The following ZBTB5 variants were observed in gnomAD, a reference collection of about 807,000 sequenced individuals.
ZBTB5 encodes zinc finger and BTB domain containing 5.
In ZBTB5, 15 loss-of-function variants were observed where a neutral mutation model predicts 37.9. That is an observed-to-expected ratio of 0.40 (90% CI 0.26 to 0.61). The LOEUF (loss-of-function observed/expected upper bound fraction) is 0.61, where lower values mean the gene tolerates loss of function less well. Ranked by LOEUF, ZBTB5 falls within the 20% of genes least tolerant of loss-of-function variation. The pLI, the probability that ZBTB5 is intolerant of heterozygous loss-of-function variation, is 0.47. For missense variants in ZBTB5, 708 were observed against 856.8 expected (o/e 0.83, Z 2.17); for synonymous variants, 315 against 312.4 (o/e 1.01, Z -0.09).
rs924346531 is a variant in ZBTB5, at chr9:37,441,544, T to A, written c.1008A>T (p.Ser336=). ...RVVVKSEPLS[S]PEPQDEVSDV... The stretch of plus-strand genomic sequence containing the variant: ...CGCTCACTTCATCCTGAGGCTCAGG[T>A]GAGCTCAGGGGCTCAGATTTAACCA... Residue 336 remains serine (S), a synonymous_variant, in exon 2 of 2, where the codon TCA becomes TCT. Transcript: ENST00000307750. 1.9e-6 allele frequency: 3 copies of A among 1,612,790 alleles called. No individual in the cohort carries two copies. The African/African-American group carries it at 4.0e-5, about 22-fold the overall frequency.
chr9:37,446,694 A>G (rs1274058187), intron 1 of ZBTB5, among the ~76,000 whole-genome samples: 3 of 152,194 alleles, frequency 2.0e-5, no homozygotes, highest in African/African-American at 7.2e-5. Context: ...AGCAGCACAC[A>G]CATCCCGGGT....
In ZBTB5 at chr9:37,440,933, G is replaced by C; in HGVS notation, c.1619C>G (p.Pro540Arg). 6.2e-7 allele frequency: 1 copy of C among 1,614,182 alleles called. No individual in the cohort carries two copies. Among genetic ancestry groups the C allele is most frequent in the Non-Finnish European group, 8.5e-7 (1 of 1,180,026 alleles). Reference sequence around the variant, plus strand: ...GACGGAAGTTACAACTGGCATTTTGGGAGCTATGCGGCGGTAGTAAGGAAA... The same window carrying C: ...GACGGAAGTTACAACTGGCATTTTGCGAGCTATGCGGCGGTAGTAAGGAAA... ...SNFPYYRRIA[P>R]KMPVVTSVRS... The change falls in exon 2 of 2, where the codon CCC becomes CGC. Residue 540 changes from proline (P) to arginine (R), a missense_variant. Physicochemically the swap from Pro to Arg is moderately radical, Grantham distance 103 (BLOSUM62 -2). Around this residue, in one of 3 missense-constraint regions of ZBTB5, gnomAD observed 639 missense variants for 690.5 expected, o/e 0.93. Transcript: ENST00000307750.
Position 37,440,124 on chromosome 9 carries a change from T to TCAC in ZBTB5, c.*391_*393dup, listed in dbSNP as rs1823830120. ...TGGTTACACATAAGTGCATTTTGCA[T>TCAC]CACTATACAGGGATATAATACTCCC... is the stretch of plus-strand genomic sequence containing the variant. On this transcript the variant is annotated 3_prime_UTR_variant, in exon 2 of 2. Transcript: ENST00000307750. 1.0e-5 allele frequency: 2 copies of TCAC among 194,568 alleles called. No individual in the cohort carries two copies. The highest frequency in any genetic ancestry group is 4.7e-5 in the African/African-American group (2 of 42,244). The allele number at this position is 194,568 out of a possible 1,614,324, so 12.1% of individuals were successfully genotyped here.
Position 37,442,163 on chromosome 9 carries a change from C to G in ZBTB5, c.389G>C (p.Ser130Thr), listed in dbSNP as rs755897498. The G allele has an allele frequency of 2.5e-6, 4 of 1,614,218 alleles. No homozygotes were observed. The South Asian group carries it at 3.3e-5, about 13-fold the overall frequency. The change falls in exon 2 of 2, where the codon AGT becomes ACT. Residue 130 changes from serine to threonine, a missense_variant. Coordinates refer to ENST00000307750, the MANE Select transcript of ZBTB5 (RefSeq NM_014872.3). ...TTRTLPMSPPSERVQEQSARM... is the reference protein window; with the variant it reads ...TTRTLPMSPPTERVQEQSARM... ...GGCGCTCTGCTCCTGAACGCGCTCA[C>G]TGGGGGGAGACATGGGCAGCGTCCT...
chr9:37,441,166 A>G lies in ZBTB5; in HGVS notation c.1386T>C (p.Pro462=). 1 of 1,614,004 alleles carries G rather than the reference A, an allele frequency of 6.2e-7. No individual in the cohort carries two copies. Among genetic ancestry groups the G allele is most frequent in the Non-Finnish European group, 8.5e-7 (1 of 1,179,942 alleles). Residue 462 remains proline, a synonymous_variant, in exon 2 of 2, where the codon CCT becomes CCC. Coordinates refer to ENST00000307750, the MANE Select transcript of ZBTB5 (RefSeq NM_014872.3). The stretch of plus-strand genomic sequence containing the variant: ...TAAATGGGTTCTCTACATGGGAGCC[A>G]GGGGCAGAGGAGGGCCCACCTGCAG... The part of the protein sequence containing the change: ...AGPAGGPSSA[P]GSHVENPFSE...
rs1313608216 is a variant in ZBTB5, at chr9:37,440,997, TGGAGAA to T, written c.1549_1554del (p.Phe517_Ser518del). On this transcript the variant is annotated inframe_deletion, in exon 2 of 2. Transcript: ENST00000307750. ...CCCCTTGGGGAACCTATCATTACCC[TGGAGAA>T]GGAGGAGTGGAGGCCCAAACCAGAC... is the stretch of plus-strand genomic sequence containing the variant. 1.2e-6 allele frequency: 2 copies of T among 1,614,070 alleles called. No individual in the cohort carries two copies. Among genetic ancestry groups the T allele is most frequent in the East Asian group, 2.2e-5 (1 of 44,900 alleles).
intron 1 of ZBTB5, among the ~76,000 whole-genome samples, chr9:37,464,252 A>G (rs904314661): frequency 1.3e-5 from 2 of 152,260 alleles, no homozygotes; most frequent in Admixed American, 1.3e-4. Context: ...CCTCTAAAGA[A>G]AAGCCCGTAA....
intron 1 of ZBTB5, among the ~76,000 whole-genome samples, chr9:37,453,314 T>G (rs778762846): frequency 1.2e-4 from 18 of 151,826 alleles, no homozygotes; most frequent in Non-Finnish European, 2.5e-4. Flanking sequence ...CAGCCTCCCG[T>G]TGGCTGGGAT....
chr9:37,452,111 C>T lies in ZBTB5; in HGVS notation c.-4-9556G>A, dbSNP rs182831767. Reference sequence around the variant, plus strand: ...TTAGCTTTAAACTGTAAACAAAATTCCTTCTCAAGGCTAGTTTGGCCTACG... The same window carrying T: ...TTAGCTTTAAACTGTAAACAAAATTTCTTCTCAAGGCTAGTTTGGCCTACG... On this transcript the variant is annotated intron_variant, in intron 1 of 1. Transcript: ENST00000307750. 1.0e-3 allele frequency among the ~76,000 whole-genome samples: 156 copies of T among 152,272 alleles called. 2 individuals are homozygous for T. In the East Asian group the frequency reaches 0.029, roughly 28 times the overall value.
intron 1 of ZBTB5, among the ~76,000 whole-genome samples, chr9:37,454,135 C>T (rs771695299): frequency 6.6e-6 from 1 of 152,146 alleles, no homozygotes; most frequent in Non-Finnish European, 1.5e-5. Context: ...TATCTCAAAA[C>T]CTTTAGAACT....
chr9:37,440,057 GTCCTCAAAGGCCT>G lies in ZBTB5; in HGVS notation c.*448_*460del, dbSNP rs1174733120. The G allele has an allele frequency of 5.9e-6, 1 of 170,068 alleles. No homozygotes were observed. The highest frequency in any genetic ancestry group is 1.3e-5 in the Non-Finnish European group (1 of 78,180). The allele number at this position is 170,068 out of a possible 1,614,324, so 10.5% of individuals were successfully genotyped here. On this transcript the variant is annotated 3_prime_UTR_variant, in exon 2 of 2. Coordinates refer to ENST00000307750, the MANE Select transcript of ZBTB5 (RefSeq NM_014872.3). ...TAAAGCATTTGTGGCAGACAGGTGT[GTCCTCAAAGGCCT>G]TCCTTTAAGACAGGCACCAAATCAC...
At chr9:37,455,757 T>C (rs927155432) in intron 1 of ZBTB5, among the ~76,000 whole-genome samples, 6 of 152,048 alleles carry the variant, frequency 3.9e-5, no homozygotes, top group Admixed American at 3.9e-4. Context: ...AGACAGAACA[T>C]TTCCTCCACT....
chr9:37,448,004 T>C (rs309446), intron 1 of ZBTB5, among the ~76,000 whole-genome samples: 126,035 of 152,040 alleles, frequency 0.83, 53,403 homozygotes, highest in East Asian at 0.92. Flanking sequence ...AATAAATAAA[T>C]AAACAATTTT....
At position 37,441,845 on chromosome 9, in the gene ZBTB5, T is replaced by A. The variant is rs770593688; in HGVS notation, c.707A>T (p.Asp236Val). 4 of 1,614,058 alleles carry A rather than the reference T, an allele frequency of 2.5e-6. No homozygotes were observed. In the East Asian group the frequency reaches 6.7e-5, roughly 27 times the overall value. Reference sequence around the variant, plus strand: ...AGGATTATCCACAATTTTCAGAGAATCTGGTGAAAAGAACTCCTCCCGAGA... The same window carrying A: ...AGGATTATCCACAATTTTCAGAGAAACTGGTGAAAAGAACTCCTCCCGAGA... Reference protein sequence around the residue: ...VHSREEFFSPDSLKIVDNPKA... With the variant: ...VHSREEFFSPVSLKIVDNPKA... Residue 236 changes from aspartate to valine, a missense_variant, in exon 2 of 2, where the codon GAT (aspartate) becomes GTT (valine). Asp to Val is a radical substitution (Grantham distance 152). Around this residue, in one of 3 missense-constraint regions of ZBTB5, gnomAD observed 639 missense variants for 690.5 expected, o/e 0.93. Coordinates refer to ENST00000307750, the MANE Select transcript of ZBTB5 (RefSeq NM_014872.3).
intron 1 of ZBTB5, among the ~76,000 whole-genome samples, chr9:37,459,990 G>A (rs1260015981): frequency 4.0e-5 from 6 of 151,306 alleles, no homozygotes; most frequent in East Asian, 2.0e-4. Flanking sequence ...GATTACAGGC[G>A]TGAGCCACTG....
chr9:37,447,883 TG>T (rs1015826131), intron 1 of ZBTB5, among the ~76,000 whole-genome samples: 2 of 151,770 alleles, frequency 1.3e-5, no homozygotes, highest in African/African-American at 2.4e-5. Flanking sequence ...GGGCTGGGCA[TG>T]GTGGCTCATA....
At chr9:37,455,273 G>C (rs1169606197) in intron 1 of ZBTB5, among the ~76,000 whole-genome samples, 1 of 152,142 alleles carries the variant, frequency 6.6e-6, no homozygotes, top group Non-Finnish European at 1.5e-5. Flanking sequence ...TGGTCAGAGA[G>C]ATCGGCCACA....
At chr9:37,454,116 T>C (rs1157622291) in intron 1 of ZBTB5, among the ~76,000 whole-genome samples, 1 of 152,190 alleles carries the variant, frequency 6.6e-6, no homozygotes, top group Non-Finnish European at 1.5e-5. Flanking sequence ...AAAACCTATA[T>C]AATACAGCTA....
Position 37,445,132 on chromosome 9 carries a change from A to T in ZBTB5, c.-4-2577T>A, listed in dbSNP as rs1420988268. Among the ~76,000 whole-genome samples, 3 of 152,230 alleles carry T rather than the reference A, an allele frequency of 2.0e-5. No individual in the cohort carries two copies. The South Asian group carries it at 6.2e-4, about 32-fold the overall frequency. Reference sequence around the variant, plus strand: ...AGGTTGTTTACTCACAGGACACAATATGTAGTTCATTCGTAGACAATATTT... The same window carrying T: ...AGGTTGTTTACTCACAGGACACAATTTGTAGTTCATTCGTAGACAATATTT... On this transcript the variant is annotated intron_variant, in intron 1 of 1. Transcript: ENST00000307750.
Sources: allele counts gnomAD v4.1 joint callset (sites outside exome capture counted in the v4.1 genomes callset), GRCh38; gene constraint gnomAD v4.1.1; regional missense constraint gnomAD v4.1.1; transcripts MANE v1.5; gene names NCBI Gene and HGNC (gene_info 2026-07-23, HGNC 2026-07-21).